The following PCDHGB2 variants were observed in gnomAD, a reference collection of about 807,000 sequenced individuals.
PCDHGB2 encodes the protein protocadherin gamma-B2.
PCDHGB2 carries 55 observed loss-of-function variants against 59.3 expected under a neutral mutation model. The ratio of observed to expected loss-of-function variants is 0.93; its 90% CI spans 0.75 to 1.16. The LOEUF (loss-of-function observed/expected upper bound fraction) is 1.16, where lower values mean the gene tolerates loss of function less well. PCDHGB2 is among the 50% of genes most tolerant of loss of function. The pLI is 0.00. For missense variants in PCDHGB2, 1,228 were observed against 1,198.5 expected, an observed-to-expected ratio of 1.02 and a Z score of -0.36; for synonymous variants, 516 against 512.0, an observed-to-expected ratio of 1.01 and a Z score of -0.11.
chr5:141,397,248 T>C (rs2093496152), intron 1 of PCDHGB2, among the ~76,000 whole-genome samples: 1 of 152,168 alleles, frequency 6.6e-6, no homozygotes, highest in South Asian at 2.1e-4. Flanking sequence ...CGTAGTAGGG[T>C]ATATCATTTC....
At position 141,432,807 on chromosome 5, in the gene PCDHGB2, ACT is replaced by A. The variant is rs542925824; in HGVS notation, c.2422-61997_2422-61996del. On this transcript the variant is annotated intron_variant, in intron 1 of 3. Coordinates refer to ENST00000522605, the MANE Select transcript of PCDHGB2 (RefSeq NM_018923.3). This position sits in a 1 kb window ranked among gnomAD's most constrained non-coding sequence, Gnocchi z 6.0. ...CTCGGCAGCCTCGAGTCTCCAGCTA[ACT>A]CTGAAACCTCAGACCTCACTCTGTA... 352 of 1,613,946 alleles carry A rather than the reference ACT, an allele frequency of 2.2e-4. 2 individuals carry two copies. The African/African-American group carries it at 4.2e-3, about 19-fold the overall frequency.
At position 141,375,804 on chromosome 5, in the gene PCDHGB2, G is replaced by A. The variant is rs375695435; in HGVS notation, c.2421+13248G>A. 1,032 of 1,614,192 alleles carry A rather than the reference G, an allele frequency of 6.4e-4. 20 individuals carry two copies. In the South Asian group the frequency reaches 0.011, roughly 17 times the overall value. ...GCCCTCCCCACAGACGGTTCCACTG[G>A]CGTGGAGCTGGCGCCCCGCTCCGCA... On this transcript the variant is annotated intron_variant, in intron 1 of 3. Coordinates refer to ENST00000522605, the MANE Select transcript of PCDHGB2 (RefSeq NM_018923.3).
At chr5:141,389,988 C>G in intron 1 of PCDHGB2, 1 of 1,614,036 alleles carries the variant, frequency 6.2e-7, no homozygotes, top group South Asian at 1.1e-5. Context: ...AGTGCTCTTC[C>G]TCGTGGCCAT....
intron 1 of PCDHGB2, among the ~76,000 whole-genome samples, chr5:141,380,801 AT>A (rs1776749377): frequency 6.6e-6 from 1 of 152,258 alleles, no homozygotes; most frequent in Non-Finnish European, 1.5e-5. Context: ...TAAGAAACAA[AT>A]GTGAGATGAA....
chr5:141,373,392 A>G (rs1769542024), intron 1 of PCDHGB2, among the ~76,000 whole-genome samples: 1 of 152,218 alleles, frequency 6.6e-6, no homozygotes, highest in Non-Finnish European at 1.5e-5. Context: ...TTTGTGTAGC[A>G]TATGCCTGTA....
At chr5:141,383,916 T>C (rs1368497890) in intron 1 of PCDHGB2, 1 of 1,613,968 alleles carries the variant, frequency 6.2e-7, no homozygotes, top group Non-Finnish European at 8.5e-7. Flanking sequence ...CAGTTTTAGA[T>C]GTAAATGATA....
chr5:141,399,946 G>A (rs911365297), intron 1 of PCDHGB2: 1 of 1,612,270 alleles, frequency 6.2e-7, no homozygotes, highest in African/African-American at 1.3e-5. Context: ...CGTGCTGCAG[G>A]CTAGCGAGCC....
At chr5:141,413,844 C>A in intron 1 of PCDHGB2, 2 of 1,613,254 alleles carry the variant, frequency 1.2e-6, no homozygotes, top group Non-Finnish European at 1.7e-6. Context: ...ACGGGGGTGA[C>A]CCTCTCCGAT....
intron 1 of PCDHGB2, among the ~76,000 whole-genome samples, chr5:141,429,377 G>GT (rs566693637): frequency 0.17 from 24,737 of 149,382 alleles, 2,566 homozygotes; most frequent in African/African-American, 0.31. Context: ...GAGAAAATGT[G>GT]TTTTTTTTTT....
intron 1 of PCDHGB2, chr5:141,423,134 G>A: frequency 6.2e-7 from 1 of 1,613,680 alleles, no homozygotes; most frequent in South Asian, 1.1e-5. Flanking sequence ...CTGCTGGACA[G>A]AGACGCGCTC....
At chr5:141,415,182 C>A (rs2095840318) in intron 1 of PCDHGB2, 1 of 1,613,842 alleles carries the variant, frequency 6.2e-7, no homozygotes, top group Admixed American at 1.7e-5. Flanking sequence ...TGGCCGTGGC[C>A]GACAGCATCC....
intron 1 of PCDHGB2, chr5:141,392,681 G>A (rs892273174): frequency 9.7e-7 from 1 of 1,026,496 alleles, no homozygotes; most frequent in Non-Finnish European, 1.4e-6. Context: ...CTGGACTGCA[G>A]CGAAACCCGA....
In PCDHGB2 at chr5:141,372,730, ATCT is replaced by A. The variant is rs751345248; in HGVS notation, c.2421+10178_2421+10180del. On this transcript the variant is annotated intron_variant, in intron 1 of 3. Transcript: ENST00000522605. ...AAGGCTGAAAATGCTGCACCACAAG[ATCT>A]TCTATGTGATGAAGCCTCTTGGTTT... 33 of 1,613,530 alleles carry A rather than the reference ATCT, an allele frequency of 2.0e-5. No homozygotes were observed. In the East Asian group the frequency reaches 7.1e-4, roughly 35 times the overall value.
intron 1 of PCDHGB2, chr5:141,393,751 C>A (rs1159377259): frequency 6.2e-7 from 1 of 1,613,846 alleles, no homozygotes; most frequent in Non-Finnish European, 8.5e-7. Flanking sequence ...GAAGAATGTT[C>A]ATTTTATGAA....
chr5:141,499,054 TGAA>T (rs2099789231), intron 2 of PCDHGB2, among the ~76,000 whole-genome samples: 1 of 150,820 alleles, frequency 6.6e-6, no homozygotes, highest in Non-Finnish European at 1.5e-5. Context: ...GGAGAAAAAA[TGAA>T]GAAGACTTAC....
intron 1 of PCDHGB2, chr5:141,429,155 G>A (rs115622025): frequency 0.044 from 6,389 of 145,752 alleles, 216 homozygotes; most frequent in African/African-American, 0.099. Flanking sequence ...CACCCGGCCC[G>A]GAGACATTGT....
At chr5:141,366,150 G>C in intron 1 of PCDHGB2, 2 of 1,614,136 alleles carry the variant, frequency 1.2e-6, no homozygotes, top group Non-Finnish European at 1.7e-6. Context: ...CTGTCCTACC[G>C]CCTGCTTAAG....
intron 1 of PCDHGB2, chr5:141,394,024 T>C (rs778553318): frequency 6.2e-7 from 1 of 1,613,530 alleles, no homozygotes; most frequent in Non-Finnish European, 8.5e-7. Flanking sequence ...TATTATAGAT[T>C]AGTGACAAGG....
chr5:141,512,555 A>C lies in PCDHGB2; in HGVS notation c.*1382A>C, dbSNP rs1294402882. 2.6e-5 allele frequency: 4 copies of C among 152,986 alleles called. No individual in the cohort carries two copies. The highest frequency in any genetic ancestry group is 9.6e-5 in the African/African-American group (4 of 41,472). 9.5% of individuals were successfully genotyped at this position (152,986 alleles called of 1,614,324 possible). A position where few individuals can be genotyped will look rare whatever the true frequency, so the allele number is the denominator to read the frequency against. ...AGTTCCCCAGTGCCTCCTTGTGCAT[A>C]GACCTTCTTCTCCCACCCCCTTCTG... On this transcript the variant is annotated 3_prime_UTR_variant, in exon 4 of 4. Transcript: ENST00000522605.
Sources: allele counts gnomAD v4.1 joint callset (sites outside exome capture counted in the v4.1 genomes callset), GRCh38; gene constraint gnomAD v4.1.1; non-coding constraint Gnocchi (gnomAD v3.1); transcripts MANE v1.5; gene names NCBI Gene and HGNC (gene_info 2026-07-23, HGNC 2026-07-21).